CARD19: variants seen among roughly 807,000 people sequenced by gnomAD.
CARD19 encodes caspase recruitment domain family member 19, also known as caspase recruitment domain-containing protein 19.
A neutral mutation model predicts 24.1 loss-of-function variants in CARD19; 25 were observed. That is an observed-to-expected ratio of 1.04 (90% CI 0.76 to 1.45). The LOEUF is 1.45. Ranked by LOEUF, CARD19 falls within the 40% of genes most tolerant of loss-of-function variation. The probability of loss-of-function intolerance (pLI) is 0.00; values close to 1 mark genes in which losing one functional copy is unlikely to be tolerated. For missense variants in CARD19, 241 were observed against 247.4 expected (o/e 0.97, Z 0.17); for synonymous variants, 103 against 104.9 (o/e 0.98, Z 0.11).
At chr9:93,112,094 C>T (rs1456881599) in intron 4 of CARD19, 124 bp from the exon 5 acceptor site, 8 of 1,333,630 alleles carry the variant, frequency 6.0e-6, no homozygotes, top group South Asian at 2.6e-5. Context: ...CTAAGGTGCT[C>T]GTTTGGGGGC....
chr9:93,113,079 T>C lies in CARD19; in HGVS notation c.524T>C (p.Phe175Ser). 6.3e-7 allele frequency: 1 copy of C among 1,590,382 alleles called. No individual in the cohort carries two copies. The highest frequency in any genetic ancestry group is 8.6e-7 in the Non-Finnish European group (1 of 1,167,088). ...DRHVSRYLLA[F>S]LADDLGGL is the part of the protein sequence containing the mutation. ...CATGTCAGCCGCTACCTGCTGGCCT[T>C]CCTGGCAGATGACCTAGGGGGGCTC... The change falls in exon 6 of 6, where the codon TTC becomes TCC. Residue 175 changes from phenylalanine (F) to serine (S), a missense_variant. Coordinates refer to ENST00000375464, the MANE Select transcript of CARD19 (RefSeq NM_032310.5).
At chr9:93,099,509 G>A (rs1293766928) in intron 1 of CARD19, among the ~76,000 whole-genome samples, 2 of 152,232 alleles carry the variant, frequency 1.3e-5, no homozygotes, top group Non-Finnish European at 2.9e-5. Context: ...TGAAAATGGG[G>A]CTGGTGGTTG....
At position 93,112,306 on chromosome 9, in the gene CARD19, C is replaced by T; in HGVS notation, c.436+17C>T. On this transcript the variant is annotated intron_variant, in intron 5 of 5. Transcript: ENST00000375464. The stretch of plus-strand genomic sequence containing the variant: ...ATCCGCCAGGTGGGTGCAAGCGGAT[C>T]CTCATGGGGCTGGGCCTGCCTCCCC... 1 of 1,540,454 alleles carries T rather than the reference C, an allele frequency of 6.5e-7. No individual in the cohort carries two copies. The highest frequency in any genetic ancestry group is 2.4e-5 in the East Asian group (1 of 40,902).
intron 1 of CARD19, among the ~76,000 whole-genome samples, chr9:93,103,099 T>G (rs2119074696): frequency 6.6e-6 from 1 of 152,358 alleles, no homozygotes; most frequent in Admixed American, 6.5e-5. Flanking sequence ...CTTTACAATT[T>G]GGATGCCTTT....
chr9:93,107,971 T>G (rs1225879415), intron 2 of CARD19, 155 bp downstream of exon 2: 36 of 1,040,076 alleles, frequency 3.5e-5, no homozygotes, highest in Non-Finnish European at 5.0e-5. Context: ...ACCTGGCTAC[T>G]AAGGCTGCCT....
At chr9:93,107,556 C>T in intron 1 of CARD19, 118 bp from the exon 2 acceptor site, 1 of 1,198,190 alleles carries the variant, frequency 8.3e-7, no homozygotes, top group South Asian at 1.4e-5. Flanking sequence ...CAGGTTCACC[C>T]TCCTGGTGGG....
Position 93,107,663 on chromosome 9 carries a change from A to G in CARD19, c.8-11A>G, listed in dbSNP as rs777987189. ...CTGTGCTGGCTCATGACCCTGTGCT[A>G]TCTGTTTTAGATCAGACCTATTGTG... On this transcript the variant is annotated splice_polypyrimidine_tract_variant and intron_variant, in intron 1 of 5. Transcript: ENST00000375464. 8 of 1,613,940 alleles carry G rather than the reference A, an allele frequency of 5.0e-6. No homozygotes were observed. The highest frequency in any genetic ancestry group is 1.7e-5 in the Admixed American group (1 of 60,000).
At chr9:93,099,218 C>G (rs771493525) in intron 1 of CARD19, among the ~76,000 whole-genome samples, 17 of 152,212 alleles carry the variant, frequency 1.1e-4, no homozygotes, top group Non-Finnish European at 2.1e-4. Context: ...GCCACCGCGT[C>G]CGGCCTGCAG....
chr9:93,112,797 G>C (rs1211902922), intron 5 of CARD19, among the ~76,000 whole-genome samples, 195 bp from the exon 6 acceptor site: 1 of 152,184 alleles, frequency 6.6e-6, no homozygotes, highest in Non-Finnish European at 1.5e-5. Flanking sequence ...AAAGGCCCGT[G>C]GGTCACTCGG....
At chr9:93,103,109 T>C (rs1827141496) in intron 1 of CARD19, among the ~76,000 whole-genome samples, 1 of 152,216 alleles carries the variant, frequency 6.6e-6, no homozygotes, top group South Asian at 2.1e-4. Flanking sequence ...TGGATGCCTT[T>C]TATTCCCTTT....
intron 1 of CARD19, among the ~76,000 whole-genome samples, chr9:93,099,089 A>AT (rs1463463374): frequency 1.3e-5 from 2 of 151,614 alleles, no homozygotes; most frequent in Non-Finnish European, 2.9e-5. Context: ...TGACCAGCTA[A>AT]TTTTTTTTGT....
In CARD19 at chr9:93,106,420, A is replaced by AATAAAAAT. The variant is rs1554753846; in HGVS notation, c.8-1253_8-1252insTAAAAATA. Among the ~76,000 whole-genome samples the AATAAAAAT allele has an allele frequency of 1.7e-4, 25 of 148,594 alleles. 1 individual carries two copies. The highest frequency in any genetic ancestry group is 3.4e-3 in the Middle Eastern group (1 of 292). ...GGTGAAACCCTGTCTCTACTAAAAA[A>AATAAAAAT]AAAAAAAAAATACAAAAACCAGCTG... On this transcript the variant is annotated intron_variant, in intron 1 of 5. Coordinates refer to ENST00000375464, the MANE Select transcript of CARD19 (RefSeq NM_032310.5).
rs1223227531 is a variant in CARD19 at position 93,096,423 on chromosome 9, C to T, written c.7+71C>T. 2 of 1,210,524 alleles carry T rather than the reference C, an allele frequency of 1.7e-6. No individual in the cohort carries two copies. The highest frequency in any genetic ancestry group is 2.1e-6 in the Non-Finnish European group (2 of 970,878). The allele number at this position is 1,210,524 out of a possible 1,614,324, so 75.0% of individuals were successfully genotyped here. A position where few individuals can be genotyped will look rare whatever the true frequency, so the allele number is the denominator to read the frequency against. On this transcript the variant is annotated intron_variant, in intron 1 of 5. Coordinates refer to ENST00000375464, the MANE Select transcript of CARD19 (RefSeq NM_032310.5). This position sits in a 1 kb window ranked among gnomAD's most constrained non-coding sequence, Gnocchi z 5.4. ...TGGGTGGCCCGGCCCGGGGGTCCGG[C>T]TGCCTTGCGAGTCGCCTGCAGGCCG...
rs1827518196 is a variant in CARD19 at position 93,112,158 on chromosome 9, C to A, written c.365-60C>A. On this transcript the variant is annotated intron_variant, in intron 4 of 5. Coordinates refer to ENST00000375464, the MANE Select transcript of CARD19 (RefSeq NM_032310.5). ...CCCACTCCCCTGCGCAGCCCCCAGGCCTCAGGACCCCACCCCTCTGAGGCC... is the reference window on the plus strand; with the variant it reads ...CCCACTCCCCTGCGCAGCCCCCAGGACTCAGGACCCCACCCCTCTGAGGCC... 10 of 1,500,256 alleles carry A rather than the reference C, an allele frequency of 6.7e-6. No homozygotes were observed. The South Asian group carries it at 1.1e-4, about 16-fold the overall frequency. 92.9% of individuals were successfully genotyped at this position (1,500,256 alleles called of 1,614,324 possible).
In CARD19 at chr9:93,096,341, T is replaced by C; in HGVS notation, c.-5T>C. On this transcript the variant is annotated 5_prime_UTR_variant, in exon 1 of 6. Coordinates refer to ENST00000375464, the MANE Select transcript of CARD19 (RefSeq NM_032310.5). The surrounding 1 kb of genome is among the most constrained non-coding windows in gnomAD (Gnocchi z 5.4). ...GGGACTGCGGGCGGCGCTGTGTCCG[T>C]CGCCATGACAGGTGGGCACGGGGTC... 1 of 1,225,880 alleles carries C rather than the reference T, an allele frequency of 8.2e-7. No individual in the cohort carries two copies. Among genetic ancestry groups the C allele is most frequent in the Non-Finnish European group, 1.0e-6 (1 of 984,066 alleles). The allele number at this position is 1,225,880 out of a possible 1,614,324, so 75.9% of individuals were successfully genotyped here. A position where few individuals can be genotyped will look rare whatever the true frequency, so the allele number is the denominator to read the frequency against.
intron 1 of CARD19, among the ~76,000 whole-genome samples, chr9:93,099,724 T>C (rs1266514766): frequency 6.6e-6 from 1 of 152,206 alleles, no homozygotes; most frequent in African/African-American, 2.4e-5. Context: ...TGTGCTCAGC[T>C]TCCTCACCAT....
At chr9:93,098,695 C>T (rs574940337) in intron 1 of CARD19, among the ~76,000 whole-genome samples, 1 of 152,194 alleles carries the variant, frequency 6.6e-6, no homozygotes, top group African/African-American at 2.4e-5. Context: ...AGCACAGGAC[C>T]CCCAAGCCGC....
intron 2 of CARD19, chr9:93,110,348 C>A (rs1196345396): frequency 2.9e-6 from 2 of 699,006 alleles, no homozygotes; most frequent in African/African-American, 3.6e-5. Context: ...CCTCCCACCC[C>A]ACAGGGAGTA....
chr9:93,111,446 C>G (rs988234253), intron 3 of CARD19: 1 of 1,072,688 alleles, frequency 9.3e-7, no homozygotes, highest in African/African-American at 1.7e-5. Flanking sequence ...GACTGGGCGG[C>G]TTGTCCCAGG....
Sources: gnomAD v4.1 joint callset for allele counts (sites outside exome capture counted in the v4.1 genomes callset) on GRCh38, gnomAD v4.1.1 for gene constraint, Gnocchi (gnomAD v3.1) non-coding constraint, MANE v1.5 for transcripts, NCBI Gene and HGNC (gene_info 2026-07-23, HGNC 2026-07-21) for gene names.